Variants in CDK19 observed in about 807,000 individuals in gnomAD.
The protein encoded by CDK19 is cyclin dependent kinase 19, also known as cyclin-dependent kinase 19.
CDK19 carries 20 observed loss-of-function variants against 68.3 expected under a neutral mutation model. The observed-to-expected ratio is 0.29, with a 90% CI of 0.21 to 0.43. The LOEUF (loss-of-function observed/expected upper bound fraction) is 0.43. CDK19 is among the 20% of genes least tolerant of loss of function. The pLI, the probability that CDK19 is intolerant of heterozygous loss-of-function variation, is 1.00. For synonymous variants in CDK19, 221 were observed against 222.8 expected, an observed-to-expected ratio of 0.99 and a Z score of 0.07; for missense variants, 339 against 623.5, an observed-to-expected ratio of 0.54 and a Z score of 4.86.
intron 4 of CDK19, among the ~76,000 whole-genome samples, chr6:110,641,646 A>AAGAAAGGAAGGAAGGAAGG (rs1780186278): frequency 3.8e-5 from 5 of 131,416 alleles, no homozygotes; most frequent in African/African-American, 1.5e-4. Flanking sequence ...AAAGGGAAAG[A>AAGAAAGGAAGGAAGGAAGG]AAGGAAGGAA....
chr6:110,632,927 A>C (rs1779531385), intron 5 of CDK19, among the ~76,000 whole-genome samples: 1 of 152,040 alleles, frequency 6.6e-6, no homozygotes, highest in African/African-American at 2.4e-5. Flanking sequence ...TATACATTTA[A>C]AAACTGACTA....
chr6:110,694,767 G>C (rs761538824), intron 2 of CDK19, among the ~76,000 whole-genome samples: 1 of 152,172 alleles, frequency 6.6e-6, no homozygotes, highest in Non-Finnish European at 1.5e-5. Context: ...AAAAGTGTCA[G>C]TAAATTTAAG....
chr6:110,643,603 C>A (rs1780345249), intron 4 of CDK19, among the ~76,000 whole-genome samples: 1 of 152,066 alleles, frequency 6.6e-6, no homozygotes, highest in South Asian at 2.1e-4. Flanking sequence ...TAAACAACAA[C>A]AACAACAAAA....
chr6:110,610,925 C>A lies in CDK19; in HGVS notation c.*3610G>T, dbSNP rs1562114134. 1.3e-5 allele frequency: 2 copies of A among 152,290 alleles called. No individual in the cohort carries two copies. Among genetic ancestry groups the A allele is most frequent in the South Asian group, 4.1e-4 (2 of 4,828 alleles). 9.4% of individuals were successfully genotyped at this position (152,290 alleles called of 1,614,324 possible). A position where few individuals can be genotyped will look rare whatever the true frequency, so the allele number is the denominator to read the frequency against. On this transcript the variant is annotated 3_prime_UTR_variant, in exon 13 of 13. Transcript: ENST00000368911. Reference sequence around the variant, plus strand: ...TAGAGAACAAGTAGCAGTTGCTTCACCAGGAATGAGGCAGCACACATAGGT... The same window carrying A: ...TAGAGAACAAGTAGCAGTTGCTTCAACAGGAATGAGGCAGCACACATAGGT...
In CDK19 at chr6:110,614,006, T is replaced by C. The variant is rs998742317; in HGVS notation, c.*529A>G. The C allele has an allele frequency of 6.5e-6, 1 of 152,700 alleles. No individual in the cohort carries two copies. Among genetic ancestry groups the C allele is most frequent in the Non-Finnish European group, 1.5e-5 (1 of 68,086 alleles). The allele number at this position is 152,700 out of a possible 1,614,324, so 9.5% of individuals were successfully genotyped here. A position where few individuals can be genotyped will look rare whatever the true frequency, so the allele number is the denominator to read the frequency against. ...AATACGAACGTAATAGTAAAGTACT[T>C]TGGGACAGTAACAGTTTCTGTTTAA... On this transcript the variant is annotated 3_prime_UTR_variant, in exon 13 of 13. Coordinates refer to ENST00000368911, the MANE Select transcript of CDK19 (RefSeq NM_015076.5).
intron 2 of CDK19, among the ~76,000 whole-genome samples, chr6:110,704,737 T>G (rs1186438991): frequency 6.6e-6 from 1 of 152,206 alleles, no homozygotes; most frequent in Admixed American, 6.5e-5. Flanking sequence ...TCAGGGCATG[T>G]GTTCTACAAC....
chr6:110,759,125 G>A (rs1446912214), intron 1 of CDK19, among the ~76,000 whole-genome samples: 2 of 151,774 alleles, frequency 1.3e-5, no homozygotes, highest in African/African-American at 2.4e-5. Flanking sequence ...TTTTGGCCAG[G>A]CATGGTGGCT....
intron 2 of CDK19, among the ~76,000 whole-genome samples, chr6:110,689,142 C>T (rs1772762039): frequency 6.6e-6 from 1 of 152,148 alleles, no homozygotes; most frequent in Non-Finnish European, 1.5e-5. Flanking sequence ...CTACTCCCCA[C>T]TCCCTGCATG....
At chr6:110,632,947 G>A (rs1222943596) in intron 5 of CDK19, among the ~76,000 whole-genome samples, 4 of 152,060 alleles carry the variant, frequency 2.6e-5, no homozygotes, top group Admixed American at 6.6e-5. Context: ...ATGGCCAGGC[G>A]CGGTGGCTCA....
At chr6:110,788,878 C>T (rs181181973) in intron 1 of CDK19, among the ~76,000 whole-genome samples, 50 of 152,210 alleles carry the variant, frequency 3.3e-4, no homozygotes, top group African/African-American at 1.1e-3. Flanking sequence ...CTTCTCTCTG[C>T]TTCTTGGGAG....
intron 2 of CDK19, among the ~76,000 whole-genome samples, chr6:110,675,500 G>A (rs1771436699): frequency 6.6e-6 from 1 of 151,942 alleles, no homozygotes. Flanking sequence ...GGTGGCGCAT[G>A]CCTGTAATCC....
intron 1 of CDK19, among the ~76,000 whole-genome samples, chr6:110,811,716 ATTCTGAACTTGT>A (rs1783114483): frequency 6.6e-6 from 1 of 152,132 alleles, no homozygotes; most frequent in South Asian, 2.1e-4. Context: ...GTTCAGAAAT[ATTCTGAACTTGT>A]TTCTCTTCAA....
At chr6:110,634,843 A>T (rs1443514899) in intron 5 of CDK19, among the ~76,000 whole-genome samples, 2 of 152,238 alleles carry the variant, frequency 1.3e-5, no homozygotes, top group Non-Finnish European at 2.9e-5. Context: ...AGCTAAAGCC[A>T]GTATTTCTCC....
intron 2 of CDK19, among the ~76,000 whole-genome samples, chr6:110,734,343 C>T (rs140762991): frequency 1.3e-5 from 2 of 152,220 alleles, no homozygotes; most frequent in Non-Finnish European, 2.9e-5. Context: ...CTCTATTCTC[C>T]ACACATTAGT....
chr6:110,639,742 G>A (rs1054559238), intron 4 of CDK19, among the ~76,000 whole-genome samples: 4 of 152,192 alleles, frequency 2.6e-5, no homozygotes, highest in Non-Finnish European at 5.9e-5. Flanking sequence ...TTCAAAGGAG[G>A]AAGTGATGAA....
At chr6:110,769,765 G>A (rs1391367230) in intron 1 of CDK19, among the ~76,000 whole-genome samples, 2 of 152,050 alleles carry the variant, frequency 1.3e-5, no homozygotes, top group Non-Finnish European at 2.9e-5. Context: ...GGAGTTGGGA[G>A]CTGGGTGAGG....
chr6:110,742,146 G>T (rs1206385194), intron 2 of CDK19, among the ~76,000 whole-genome samples: 1 of 152,184 alleles, frequency 6.6e-6, no homozygotes, highest in Admixed American at 6.5e-5. Flanking sequence ...GGCTGGAGCC[G>T]CAGCAGAGGA....
At position 110,772,450 on chromosome 6, in the gene CDK19, G is replaced by A. The variant is rs568782265; in HGVS notation, c.129-26249C>T. Reference sequence around the variant, plus strand: ...GAATTATGGGAGTACAATTCAAGACGAGGAGATATGGGTGGGGACACAGAG... The same window carrying A: ...GAATTATGGGAGTACAATTCAAGACAAGGAGATATGGGTGGGGACACAGAG... On this transcript the variant is annotated intron_variant, in intron 1 of 12. Coordinates refer to ENST00000368911, the MANE Select transcript of CDK19 (RefSeq NM_015076.5). Among the ~76,000 whole-genome samples, 12 of 151,868 alleles carry A rather than the reference G, an allele frequency of 7.9e-5. 1 individual carries two copies. In the South Asian group the frequency reaches 1.0e-3, roughly 13 times the overall value.
chr6:110,670,807 A>C, intron 2 of CDK19: 1 of 553,318 alleles, frequency 1.8e-6, no homozygotes. Flanking sequence ...GACTGCAAGC[A>C]GGAATGTGTT....
Sources: gnomAD v4.1 joint callset for allele counts (sites outside exome capture counted in the v4.1 genomes callset) on GRCh38, gnomAD v4.1.1 for gene constraint, MANE v1.5 for transcripts, NCBI Gene and HGNC (gene_info 2026-07-23, HGNC 2026-07-21) for gene names.